Variants in PSTPIP2 observed in about 807,000 individuals in gnomAD.
PSTPIP2 encodes the protein proline-serine-threonine phosphatase interacting protein 2.
PSTPIP2 carries 33 observed loss-of-function variants against 63.3 expected under a neutral mutation model. The ratio of observed to expected loss-of-function variants is 0.52; its 90% CI spans 0.40 to 0.70. PSTPIP2 has a LOEUF of 0.70. Among genes scored for constraint, PSTPIP2 ranks in the 30% least tolerant of loss-of-function variants. The probability of loss-of-function intolerance (pLI) is 0.00; values close to 1 mark genes in which losing one functional copy is unlikely to be tolerated. For missense variants in PSTPIP2, 312 were observed against 400.7 expected (o/e 0.78, Z 1.89); for synonymous variants, 125 against 132.7 (o/e 0.94, Z 0.40).
intron 1 of PSTPIP2, among the ~76,000 whole-genome samples, chr18:46,052,934 A>G (rs1460896789): frequency 6.6e-6 from 1 of 152,244 alleles, no homozygotes; most frequent in Non-Finnish European, 1.5e-5. Flanking sequence ...CATATCATTA[A>G]TTTCCATCTT....
chr18:46,057,212 C>T (rs1453116903), intron 1 of PSTPIP2, among the ~76,000 whole-genome samples: 2 of 152,120 alleles, frequency 1.3e-5, no homozygotes, highest in Admixed American at 6.6e-5. Context: ...CAGCAGAGAC[C>T]CCTCCCTCCC....
chr18:46,041,241 G>A (rs35071785), intron 1 of PSTPIP2, among the ~76,000 whole-genome samples: 9,792 of 152,000 alleles, frequency 0.064, 419 homozygotes, highest in African/African-American at 0.12. Flanking sequence ...ATATATATAT[G>A]TTATGTTTTG....
chr18:46,003,348 C>T lies in PSTPIP2; in HGVS notation c.417+2121G>A, dbSNP rs72642435. On this transcript the variant is annotated intron_variant, in intron 6 of 14. Coordinates refer to ENST00000409746, the MANE Select transcript of PSTPIP2 (RefSeq NM_024430.4). The stretch of plus-strand genomic sequence containing the variant: ...TGAAAGTCCTGGTCCCCTATTTGTT[C>T]TCTGTTGCCACCTTGGCAGGGGAGT... 0.03 allele frequency among the ~76,000 whole-genome samples: 4,619 copies of T among 152,228 alleles called. 506 individuals carry two copies. The East Asian group carries it at 0.38, about 12-fold the overall frequency.
intron 14 of PSTPIP2, among the ~76,000 whole-genome samples, chr18:45,987,267 T>C (rs576412758): frequency 1.3e-5 from 2 of 152,316 alleles, no homozygotes; most frequent in South Asian, 4.1e-4. Context: ...CTCACTTTGG[T>C]GGTATAGAAC....
Position 45,993,653 on chromosome 18 carries a change from C to T in PSTPIP2, c.693G>A (p.Leu231=). ...CERINFFRNA[L]WLHVNQLSQQ... Reference sequence around the variant, plus strand: ...GTGACAGCTGATTCACATGTAACCACAATGCATTCCGGAAGAAGTTTATTC... The same window carrying T: ...GTGACAGCTGATTCACATGTAACCATAATGCATTCCGGAAGAAGTTTATTC... Residue 231 remains leucine, a synonymous_variant, in exon 10 of 15, where the codon TTG becomes TTA. Coordinates refer to ENST00000409746, the MANE Select transcript of PSTPIP2 (RefSeq NM_024430.4). The T allele has an allele frequency of 1.2e-6, 2 of 1,614,196 alleles. No homozygotes were observed. The highest frequency in any genetic ancestry group is 1.7e-6 in the Non-Finnish European group (2 of 1,180,034).
chr18:46,042,276 C>T lies in PSTPIP2; in HGVS notation c.34-2229G>A, dbSNP rs572587207. Among the ~76,000 whole-genome samples the T allele has an allele frequency of 2.0e-5, 3 of 152,306 alleles. No individual in the cohort carries two copies. In the South Asian group the frequency reaches 6.2e-4, roughly 32 times the overall value. ...ACTGGCCTCCTCCATACATACCCCT[C>T]TGTCTTAGCCAGGAAGGCATCTAAC... On this transcript the variant is annotated intron_variant, in intron 1 of 14. Coordinates refer to ENST00000409746, the MANE Select transcript of PSTPIP2 (RefSeq NM_024430.4).
chr18:46,051,412 T>C (rs1278750417), intron 1 of PSTPIP2, among the ~76,000 whole-genome samples: 2 of 151,910 alleles, frequency 1.3e-5, no homozygotes, highest in South Asian at 2.1e-4. Context: ...GAAGTGGAGG[T>C]TGCAGTGAGC....
intron 1 of PSTPIP2, among the ~76,000 whole-genome samples, chr18:46,071,220 T>G (rs370812862): frequency 2.6e-5 from 4 of 152,162 alleles, no homozygotes; most frequent in East Asian, 3.9e-4. Flanking sequence ...TGAAGCTACC[T>G]GGGTGGGTGG....
chr18:46,004,554 T>C (rs765167506), intron 6 of PSTPIP2, among the ~76,000 whole-genome samples: 5 of 152,178 alleles, frequency 3.3e-5, no homozygotes, highest in African/African-American at 7.2e-5. Context: ...AGATTCAAAA[T>C]AGTAACAGGG....
chr18:46,070,998 G>A (rs184580292), intron 1 of PSTPIP2, among the ~76,000 whole-genome samples: 9 of 152,044 alleles, frequency 5.9e-5, no homozygotes, highest in African/African-American at 1.9e-4. Context: ...TGAAAAACTC[G>A]CAAGCCTCCC....
Position 46,033,787 on chromosome 18 carries a change from A to G in PSTPIP2, c.134+6160T>C, listed in dbSNP as rs905061379. 2.6e-5 allele frequency among the ~76,000 whole-genome samples: 4 copies of G among 152,090 alleles called. No homozygotes were observed. In the East Asian group the frequency reaches 7.7e-4, roughly 29 times the overall value. Reference sequence around the variant, plus strand: ...AAGAGATGGGAGTTACACAGCTGCAAGCCAGGACATGCCAAGGATTGCTGA... The same window carrying G: ...AAGAGATGGGAGTTACACAGCTGCAGGCCAGGACATGCCAAGGATTGCTGA... On this transcript the variant is annotated intron_variant, in intron 2 of 14. Transcript: ENST00000409746.
intron 6 of PSTPIP2, among the ~76,000 whole-genome samples, chr18:46,000,952 T>G (rs533584054): frequency 2.1e-4 from 32 of 152,208 alleles, no homozygotes; most frequent in Admixed American, 3.3e-4. Context: ...CTAAGATAAA[T>G]AAAGAAAATA....
At chr18:46,054,713 T>A (rs1240194932) in intron 1 of PSTPIP2, among the ~76,000 whole-genome samples, 1 of 150,472 alleles carries the variant, frequency 6.6e-6, no homozygotes, top group East Asian at 2.0e-4. Flanking sequence ...CAGGTTGGAG[T>A]GCAGTGGCGC....
chr18:46,052,297 A>C (rs1908608840), intron 1 of PSTPIP2, among the ~76,000 whole-genome samples: 1 of 152,210 alleles, frequency 6.6e-6, no homozygotes, highest in South Asian at 2.1e-4. Flanking sequence ...GGCCCAACCC[A>C]TAGAAATTCC....
intron 1 of PSTPIP2, among the ~76,000 whole-genome samples, chr18:46,060,819 G>A (rs1908963187): frequency 6.6e-6 from 1 of 152,170 alleles, no homozygotes; most frequent in Non-Finnish European, 1.5e-5. Flanking sequence ...TTTGGCCTTG[G>A]GCTTTTCTGC....
intron 1 of PSTPIP2, among the ~76,000 whole-genome samples, chr18:46,056,846 A>G (rs1329938189): frequency 6.6e-6 from 1 of 152,136 alleles, no homozygotes; most frequent in Non-Finnish European, 1.5e-5. Flanking sequence ...TCACACCTGT[A>G]ATTCCAGCAC....
chr18:46,037,982 G>T (rs888714126), intron 2 of PSTPIP2, among the ~76,000 whole-genome samples: 3 of 152,138 alleles, frequency 2.0e-5, no homozygotes, highest in Non-Finnish European at 4.4e-5. Context: ...CTTAGCTTTG[G>T]GATCCTATTT....
At chr18:45,995,750 G>A (rs2051587555) in intron 9 of PSTPIP2, among the ~76,000 whole-genome samples, 2 of 152,212 alleles carry the variant, frequency 1.3e-5, no homozygotes, top group Admixed American at 1.3e-4. Context: ...AAAAAGCGTG[G>A]CTGTGAAGAA....
At chr18:46,068,977 A>G (rs1203346553) in intron 1 of PSTPIP2, among the ~76,000 whole-genome samples, 1 of 151,982 alleles carries the variant, frequency 6.6e-6, no homozygotes, top group Non-Finnish European at 1.5e-5. Flanking sequence ...TCCCTAGTCA[A>G]TCCCAGGCAG....
Sources: gnomAD v4.1 joint callset for allele counts (sites outside exome capture counted in the v4.1 genomes callset) on GRCh38, gnomAD v4.1.1 for gene constraint, MANE v1.5 for transcripts, NCBI Gene and HGNC (gene_info 2026-07-23, HGNC 2026-07-21) for gene names.